Variants in NDFIP2 observed in about 807,000 individuals in gnomAD.
The protein encoded by NDFIP2 is NEDD4 family-interacting protein 2.
Under a neutral mutation model 36.0 loss-of-function variants are expected in NDFIP2, and 19 were observed. The ratio of observed to expected loss-of-function variants is 0.53; its 90% CI spans 0.37 to 0.77. NDFIP2 has a LOEUF of 0.77. Among genes scored for constraint, NDFIP2 ranks in the 30% least tolerant of loss-of-function variants. The pLI, the probability that NDFIP2 is intolerant of heterozygous loss-of-function variation, is 0.00. For synonymous variants in NDFIP2, 181 were observed against 167.7 expected (o/e 1.08, Z -0.61); for missense variants, 446 against 435.8 (o/e 1.02, Z -0.21).
chr13:79,516,967 C>G (rs976919467), intron 1 of NDFIP2, among the ~76,000 whole-genome samples: 2 of 152,104 alleles, frequency 1.3e-5, no homozygotes, highest in African/African-American at 4.8e-5. Flanking sequence ...AAGAAACAAT[C>G]TTTATGCACT....
chr13:79,490,146 A>G (rs1873169433), intron 1 of NDFIP2, among the ~76,000 whole-genome samples: 1 of 152,134 alleles, frequency 6.6e-6, no homozygotes, highest in Admixed American at 6.5e-5. Context: ...CCCTAGTTGT[A>G]GGGTGAGGAT....
At chr13:79,504,608 C>G (rs1053983750) in intron 1 of NDFIP2, among the ~76,000 whole-genome samples, 1 of 149,060 alleles carries the variant, frequency 6.7e-6, no homozygotes, top group Middle Eastern at 3.4e-3. Flanking sequence ...GTTATCAAGT[C>G]TCTTTACCTG....
chr13:79,482,014 G>C (rs1237165444), intron 1 of NDFIP2, among the ~76,000 whole-genome samples: 1 of 152,026 alleles, frequency 6.6e-6, no homozygotes, highest in African/African-American at 2.4e-5. Flanking sequence ...CAAAAATGTG[G>C]GTTAGGAATT....
intron 1 of NDFIP2, among the ~76,000 whole-genome samples, chr13:79,503,586 G>C (rs1332968753): frequency 3.3e-5 from 5 of 152,178 alleles, no homozygotes; most frequent in Non-Finnish European, 7.3e-5. Context: ...TTTTTGGGAA[G>C]AAGCAGTTCT....
At chr13:79,530,804 G>A (rs962508861) in intron 2 of NDFIP2, among the ~76,000 whole-genome samples, 3 of 152,076 alleles carry the variant, frequency 2.0e-5, no homozygotes, top group Admixed American at 6.6e-5. Context: ...TTTCTCCCAC[G>A]TCTGCAATTA....
chr13:79,492,867 A>G (rs150156182), intron 1 of NDFIP2, among the ~76,000 whole-genome samples: 1 of 152,264 alleles, frequency 6.6e-6, no homozygotes, highest in East Asian at 1.9e-4. Flanking sequence ...TAGCTTTTAA[A>G]TATATCTTTC....
intron 2 of NDFIP2, among the ~76,000 whole-genome samples, chr13:79,521,791 A>G (rs9545129): frequency 0.17 from 25,670 of 148,782 alleles, 2,645 homozygotes; most frequent in Middle Eastern, 0.3. Flanking sequence ...AAGCTAATAC[A>G]TGCTTACTCC....
chr13:79,495,781 ATCT>A (rs930766277), intron 1 of NDFIP2, among the ~76,000 whole-genome samples: 69 of 151,528 alleles, frequency 4.6e-4, no homozygotes, highest in African/African-American at 1.6e-3. Flanking sequence ...ACCCTTTTCT[ATCT>A]TCTTTTGGAT....
intron 1 of NDFIP2, among the ~76,000 whole-genome samples, chr13:79,515,707 C>T (rs1252957921): frequency 6.6e-6 from 1 of 152,146 alleles, no homozygotes; most frequent in Non-Finnish European, 1.5e-5. Flanking sequence ...TTCTTCTGAG[C>T]TGTAGGTTTA....
chr13:79,491,878 G>A (rs1157874694), intron 1 of NDFIP2, among the ~76,000 whole-genome samples: 1 of 152,180 alleles, frequency 6.6e-6, no homozygotes, highest in African/African-American at 2.4e-5. Context: ...TAGGGTGTGG[G>A]TAAAATTCTT....
At chr13:79,516,277 A>G (rs892045683) in intron 1 of NDFIP2, among the ~76,000 whole-genome samples, 1 of 151,962 alleles carries the variant, frequency 6.6e-6, no homozygotes, top group Non-Finnish European at 1.5e-5. Flanking sequence ...TTTTGGAGAC[A>G]GAGTCTCACT....
rs143612506 is a variant in NDFIP2 at position 79,533,335 on chromosome 13, A to G, written c.500A>G (p.Tyr167Cys). The G allele has an allele frequency of 7.5e-6, 12 of 1,600,920 alleles. No homozygotes were observed. The highest frequency in any genetic ancestry group is 1.8e-5 in the Admixed American group (1 of 56,820). The change falls in exon 3 of 8, where the codon TAC (tyrosine) becomes TGC (cysteine). Residue 167 changes from tyrosine (Y) to cysteine (C), a missense_variant. Around this residue, in one of 2 missense-constraint regions of NDFIP2, gnomAD observed 369 missense variants for 304.8 expected, o/e 1.21. Transcript: ENST00000218652. ...ATTCTTTCTTCAGATACAGAAGTTT[A>G]CGGTGAGTTTTATCCCGTGCCACCT... is the stretch of plus-strand genomic sequence containing the variant. ...EVPTTSDTEV[Y>C]GEFYPVPPPY...
intron 1 of NDFIP2, among the ~76,000 whole-genome samples, chr13:79,482,102 C>T (rs2079817253): frequency 6.6e-6 from 1 of 150,716 alleles, no homozygotes; most frequent in Non-Finnish European, 1.5e-5. Flanking sequence ...TGTCCTTTTC[C>T]ATTATGTTAG....
At chr13:79,522,081 G>T (rs1658473621) in intron 2 of NDFIP2, among the ~76,000 whole-genome samples, 1 of 152,106 alleles carries the variant, frequency 6.6e-6, no homozygotes, top group African/African-American at 2.4e-5. Context: ...ACCTGCCTCA[G>T]CCTCCCAAAG....
At chr13:79,487,224 T>C (rs2140730040) in intron 1 of NDFIP2, among the ~76,000 whole-genome samples, 1 of 152,262 alleles carries the variant, frequency 6.6e-6, no homozygotes, top group Middle Eastern at 3.4e-3. Context: ...AGGTGACTGT[T>C]CTGATTTTTT....
intron 1 of NDFIP2, among the ~76,000 whole-genome samples, chr13:79,506,423 T>C (rs1873870556): frequency 1.3e-5 from 2 of 152,170 alleles, no homozygotes; most frequent in Admixed American, 1.3e-4. Context: ...TATATAATAT[T>C]TTATTGTCTT....
chr13:79,542,505 G>GTTTTTTTTTT (rs1454824183), intron 4 of NDFIP2, among the ~76,000 whole-genome samples: 1 of 149,308 alleles, frequency 6.7e-6, no homozygotes, highest in African/African-American at 2.5e-5. Context: ...GTGTTGTTCT[G>GTTTTTTTTTT]TTTTTTGTTT....
chr13:79,501,751 G>A (rs1457933527), intron 1 of NDFIP2, among the ~76,000 whole-genome samples: 2 of 152,098 alleles, frequency 1.3e-5, no homozygotes, highest in South Asian at 2.1e-4. Flanking sequence ...ACAACAGTAT[G>A]TCTAAGTAAT....
intron 6 of NDFIP2, 42 bp downstream of exon 6, chr13:79,548,436 C>A: frequency 1.4e-6 from 2 of 1,383,924 alleles, no homozygotes; most frequent in South Asian, 1.3e-5. Context: ...TTGGATATTT[C>A]CAAAAACTGT....
Sources: gnomAD v4.1 joint callset for allele counts (sites outside exome capture counted in the v4.1 genomes callset) on GRCh38, gnomAD v4.1.1 for gene constraint, gnomAD v4.1.1 regional missense constraint, MANE v1.5 for transcripts, NCBI Gene and HGNC (gene_info 2026-07-23, HGNC 2026-07-21) for gene names.